CTNNA2: variants seen among roughly 807,000 people sequenced by gnomAD.
CTNNA2 encodes catenin alpha 2.
A neutral mutation model predicts 101.0 loss-of-function variants in CTNNA2; 42 were observed. That is an observed-to-expected ratio of 0.42 (90% confidence interval 0.32 to 0.54). The LOEUF is 0.54. Ranked by LOEUF, CTNNA2 falls within the 20% of genes least tolerant of loss-of-function variation. The probability of loss-of-function intolerance (pLI) is 0.14; values close to 1 mark genes in which losing one functional copy is unlikely to be tolerated. For missense variants in CTNNA2, 871 were observed against 1,223.1 expected (o/e 0.71, Z 4.29); for synonymous variants, 450 against 456.4 (o/e 0.99, Z 0.18).
At chr2:79,264,343 AT>A (rs1164693686) in intron 2 of CTNNA2, among the ~76,000 whole-genome samples, 1 of 152,144 alleles carries the variant, frequency 6.6e-6, no homozygotes, top group African/African-American at 2.4e-5. Flanking sequence ...TAAAATACGC[AT>A]TTTTTAATAG....
chr2:79,215,100 C>T (rs2104208403), intron 2 of CTNNA2, among the ~76,000 whole-genome samples: 1 of 152,166 alleles, frequency 6.6e-6, no homozygotes, highest in Non-Finnish European at 1.5e-5. Context: ...CTGAGAAGAT[C>T]TGGGAAGGAG....
At chr2:79,969,912 G>A in intron 7 of CTNNA2, among the ~76,000 whole-genome samples, 1 of 152,128 alleles carries the variant, frequency 6.6e-6, no homozygotes, top group Middle Eastern at 3.2e-3. Flanking sequence ...ACATTTAGCT[G>A]GAAGAGCAAG....
intron 1 of CTNNA2, among the ~76,000 whole-genome samples, chr2:79,542,163 A>G (rs1375557018): frequency 2.0e-5 from 3 of 152,164 alleles, no homozygotes; most frequent in Admixed American, 6.5e-5. Context: ...AAACTTGCCA[A>G]GATAACCTGA....
rs1558638318 is a variant in CTNNA2, at chr2:80,606,414, C to CACACACACCCA, written c.2296-1770_2296-1769insACACACACCCA. ...CACACACACACACACACACACACAC[C>CACACACACCCA]CCCCAGGATACATTTATTTTGAGAT... On this transcript the variant is annotated intron_variant, in intron 16 of 18. Coordinates refer to ENST00000402739, the MANE Select transcript of CTNNA2 (RefSeq NM_001282597.3). Among the ~76,000 whole-genome samples the CACACACACCCA allele has an allele frequency of 6.0e-4, 31 of 51,632 alleles. 1 individual carries two copies. Among genetic ancestry groups the CACACACACCCA allele is most frequent in the East Asian group, 5.8e-3 (12 of 2,052 alleles). 33.9% of individuals were successfully genotyped at this position (51,632 alleles called of 152,430 possible). A position where few individuals can be genotyped will look rare whatever the true frequency, so the allele number is the denominator to read the frequency against.
chr2:80,023,522 A>C (rs1002701079), intron 7 of CTNNA2, among the ~76,000 whole-genome samples: 1 of 152,130 alleles, frequency 6.6e-6, no homozygotes, highest in African/African-American at 2.4e-5. Flanking sequence ...ATGAGCTACG[A>C]AAGACAGAAT....
rs1676647808 is a variant in CTNNA2, at chr2:80,303,971, C to T, written c.1057-89240C>T. On this transcript the variant is annotated intron_variant, in intron 7 of 18. Transcript: ENST00000402739. This position sits in a 1 kb window ranked among gnomAD's most constrained non-coding sequence, Gnocchi z 7.7. ...AATACATAGAAATAAAGAAGGACCCCCCTCCCCAAAAACCACACGTTCACC... is the reference window on the plus strand; with the variant it reads ...AATACATAGAAATAAAGAAGGACCCTCCTCCCCAAAAACCACACGTTCACC... The T allele has an allele frequency of 5.4e-6, 5 of 920,390 alleles. No individual in the cohort carries two copies. Among genetic ancestry groups the T allele is most frequent in the East Asian group, 2.9e-5 (1 of 34,608 alleles). 57.0% of individuals were successfully genotyped at this position (920,390 alleles called of 1,614,324 possible).
At chr2:79,888,246 C>T (rs1257799888) in intron 6 of CTNNA2, among the ~76,000 whole-genome samples, 1 of 152,146 alleles carries the variant, frequency 6.6e-6, no homozygotes, top group East Asian at 1.9e-4. Flanking sequence ...GCTGGTTCTG[C>T]TGGGTGCTTG....
At chr2:79,552,971 A>G (rs1674207273) in intron 1 of CTNNA2, among the ~76,000 whole-genome samples, 1 of 152,206 alleles carries the variant, frequency 6.6e-6, no homozygotes, top group African/African-American at 2.4e-5. Flanking sequence ...GCTCCTCTTT[A>G]CAAATGCAAA....
At chr2:79,376,266 A>G (rs939886692) in intron 4 of CTNNA2, among the ~76,000 whole-genome samples, 13 of 152,176 alleles carry the variant, frequency 8.5e-5, no homozygotes, top group Non-Finnish European at 1.8e-4. Flanking sequence ...GAGTGCTTGC[A>G]GAAATGAGTA....
chr2:80,429,818 C>A (rs1448608260), intron 9 of CTNNA2, among the ~76,000 whole-genome samples: 2 of 152,160 alleles, frequency 1.3e-5, no homozygotes, highest in Non-Finnish European at 2.9e-5. Context: ...CATATCTGTT[C>A]AAATTACTAA....
At chr2:79,546,236 C>G (rs915922115) in intron 1 of CTNNA2, among the ~76,000 whole-genome samples, 21 of 152,102 alleles carry the variant, frequency 1.4e-4, no homozygotes, top group African/African-American at 5.1e-4. Context: ...GCATCTTCCC[C>G]TGAGTCATCC....
At chr2:79,701,600 C>A (rs544424726) in intron 2 of CTNNA2, among the ~76,000 whole-genome samples, 1 of 152,292 alleles carries the variant, frequency 6.6e-6, no homozygotes, top group East Asian at 1.9e-4. Context: ...TACTAAAAAC[C>A]TAGTTATCTG....
chr2:80,496,671 T>C (rs1389295599), intron 9 of CTNNA2, among the ~76,000 whole-genome samples: 1 of 152,194 alleles, frequency 6.6e-6, no homozygotes, highest in Non-Finnish European at 1.5e-5. Context: ...TAGTAACTAC[T>C]GTAATTTTAT....
At chr2:80,214,608 G>A (rs901183975) in intron 7 of CTNNA2, among the ~76,000 whole-genome samples, 10 of 152,236 alleles carry the variant, frequency 6.6e-5, no homozygotes, top group African/African-American at 2.4e-4. Context: ...GCTTCCCTTT[G>A]TGGGTAACCC....
At chr2:80,259,543 C>G (rs887668069) in intron 7 of CTNNA2, among the ~76,000 whole-genome samples, 1 of 152,154 alleles carries the variant, frequency 6.6e-6, no homozygotes, top group Non-Finnish European at 1.5e-5. Flanking sequence ...TCCCGCAGTC[C>G]TAAGTGGCCT....
intron 2 of CTNNA2, among the ~76,000 whole-genome samples, chr2:79,682,491 C>G (rs1185886062): frequency 6.6e-6 from 1 of 150,810 alleles, no homozygotes. Context: ...ATTCTTTTGG[C>G]AAGACTTAAG....
chr2:80,035,845 A>G (rs17018573), intron 7 of CTNNA2, among the ~76,000 whole-genome samples: 2,051 of 152,296 alleles, frequency 0.013, 40 homozygotes, highest in African/African-American at 0.045. Context: ...TCAATTTTCC[A>G]TCTTTCAGTG....
intron 8 of CTNNA2, among the ~76,000 whole-genome samples, chr2:80,398,823 CA>C (rs1678286108): frequency 6.6e-6 from 1 of 150,890 alleles, no homozygotes; most frequent in Admixed American, 6.6e-5. Flanking sequence ...GTTGAGATCA[CA>C]CCCCTGCACT....
intron 4 of CTNNA2, among the ~76,000 whole-genome samples, chr2:79,469,592 A>G (rs1447153965): frequency 6.6e-6 from 1 of 152,196 alleles, no homozygotes; most frequent in East Asian, 1.9e-4. Flanking sequence ...AGACTTTTAG[A>G]CCAATATCCC....
Sources: gnomAD v4.1 joint callset for allele counts (sites outside exome capture counted in the v4.1 genomes callset) on GRCh38, gnomAD v4.1.1 for gene constraint, Gnocchi (gnomAD v3.1) non-coding constraint, MANE v1.5 for transcripts, NCBI Gene and HGNC (gene_info 2026-07-23, HGNC 2026-07-21) for gene names.